The following BCAP31 variants were observed in gnomAD, a reference collection of about 807,000 sequenced individuals.
BCAP31 encodes B cell receptor associated protein 31, also known as B-cell receptor-associated protein 31.
For synonymous variants in BCAP31, 75 were observed against 80.9 expected, an observed-to-expected ratio of 0.93 and a Z score of 0.39; for missense variants, 124 against 193.0, an observed-to-expected ratio of 0.64 and a Z score of 2.12.
In BCAP31 at chrX:153,700,575, G is replaced by A. The variant is rs1246195055; in HGVS notation, c.*362C>T. On this transcript the variant is annotated 3_prime_UTR_variant, in exon 8 of 8. Coordinates refer to ENST00000345046, the MANE Select transcript of BCAP31 (RefSeq NM_001256447.2). ...CCACCCACCCTCCTGCGGGACCAAAGAAAACACCCAGAGGGCAAAACAAAA... is the reference window on the plus strand; with the variant it reads ...CCACCCACCCTCCTGCGGGACCAAAAAAAACACCCAGAGGGCAAAACAAAA... 3 of 185,614 alleles carry A rather than the reference G, an allele frequency of 1.6e-5. No individual in the cohort carries two copies. The highest frequency in any genetic ancestry group is 9.2e-5 in the African/African-American group (3 of 32,692). 15.3% of individuals were successfully genotyped at this position (185,614 alleles called of 1,213,427 possible). A position where few individuals can be genotyped will look rare whatever the true frequency, so the allele number is the denominator to read the frequency against.
intron 4 of BCAP31, among the ~76,000 whole-genome samples, chrX:153,712,527 T>A (rs782293768): frequency 3.6e-5 from 4 of 112,369 alleles, no homozygotes; most frequent in Admixed American, 9.4e-5. Context: ...TTAAAGCATG[T>A]GGTGCTTAAA....
At position 153,723,660 on chromosome X, in the gene BCAP31, C is replaced by T. The variant is rs782605021; in HGVS notation, c.-44-372G>A. The T allele has an allele frequency of 8.6e-6, 10 of 1,158,280 alleles. No homozygotes were observed. The South Asian group carries it at 1.9e-4, about 22-fold the overall frequency. On this transcript the variant is annotated intron_variant, in intron 1 of 7. Coordinates refer to ENST00000345046, the MANE Select transcript of BCAP31 (RefSeq NM_001256447.2). ...GCACCAAGAGGAGGACGCCTCGGCA[C>T]CCATCGGGCGCTCCCTTCCCCGCCA...
At chrX:153,702,859 C>T in intron 6 of BCAP31, 76 bp downstream of exon 6, 1 of 1,171,739 alleles carries the variant, frequency 8.5e-7, no homozygotes, top group Non-Finnish European at 1.1e-6. Flanking sequence ...AATACTTTGG[C>T]ACAAAATGGG....
intron 4 of BCAP31, among the ~76,000 whole-genome samples, chrX:153,706,028 C>T (rs1156367880): frequency 1.8e-5 from 2 of 111,967 alleles, no homozygotes; most frequent in African/African-American, 6.5e-5. Flanking sequence ...TAGGCCAGGG[C>T]ATACACAAAG....
rs1200872714 is a variant in BCAP31 at position 153,702,216 on chromosome X, G to A, written c.602-109C>T. ...AAACTGGCCCAAATCTATCTCAAAC[G>A]AGGTTATACAGGAGGCTACTTCTCA... On this transcript the variant is annotated intron_variant, in intron 6 of 7. Transcript: ENST00000345046. The A allele has an allele frequency of 4.4e-5, 28 of 632,949 alleles. 1 individual carries two copies. In the South Asian group the frequency reaches 6.0e-4, roughly 14 times the overall value. The allele number at this position is 632,949 out of a possible 1,213,427, so 52.2% of individuals were successfully genotyped here.
chrX:153,715,716 G>T, intron 3 of BCAP31, 27 bp from the exon 4 acceptor site: 3 of 1,206,502 alleles, frequency 2.5e-6, no homozygotes, highest in Non-Finnish European at 3.4e-6. Flanking sequence ...AGGAGACACG[G>T]GCATTTAGCG....
chrX:153,716,274 T>C (rs1336070249), intron 3 of BCAP31, among the ~76,000 whole-genome samples: 2 of 110,094 alleles, frequency 1.8e-5, no homozygotes, highest in Non-Finnish European at 3.8e-5. Flanking sequence ...CAGTTCACGA[T>C]GCTAACCAAG....
chrX:153,710,565 G>C (rs1557049015), intron 4 of BCAP31, among the ~76,000 whole-genome samples: 1 of 112,115 alleles, frequency 8.9e-6, no homozygotes, highest in South Asian at 3.7e-4. Flanking sequence ...TAGTGGCAGA[G>C]GCAGGACAAA....
chrX:153,700,964 A>G lies in BCAP31; in HGVS notation c.714T>C (p.Asp238=). The part of the protein sequence containing the change: ...EEHAKLQAAV[D]GPMDKKEE ...ACTCTTCCTTCTTGTCCATGGGACC[A>G]TCTACTGCAGCCTGGAAAGGGACAG... Residue 238 remains aspartate (D), a synonymous_variant, in exon 8 of 8, where the codon GAT becomes GAC. Coordinates refer to ENST00000345046, the MANE Select transcript of BCAP31 (RefSeq NM_001256447.2). 3.3e-6 allele frequency: 4 copies of G among 1,207,492 alleles called. No individual in the cohort carries two copies. The highest frequency in any genetic ancestry group is 4.5e-6 in the Non-Finnish European group (4 of 893,575).
At chrX:153,716,027 G>A (rs1270180828) in intron 3 of BCAP31, among the ~76,000 whole-genome samples, 8 of 109,694 alleles carry the variant, frequency 7.3e-5, no homozygotes, top group South Asian at 3.9e-4. Context: ...TTAGCCCGGC[G>A]TGGTGGTGGG....
rs369943789 is a variant in BCAP31, at chrX:153,715,502, G to A, written c.341+40C>T. ...GCTCGGTGTCCATGGCTAGCCCATGGCTCCTTTCACAGCACCTGCCCCCTC... is the reference window on the plus strand; with the variant it reads ...GCTCGGTGTCCATGGCTAGCCCATGACTCCTTTCACAGCACCTGCCCCCTC... On this transcript the variant is annotated intron_variant, in intron 4 of 7. Coordinates refer to ENST00000345046, the MANE Select transcript of BCAP31 (RefSeq NM_001256447.2). 1.4e-5 allele frequency: 17 copies of A among 1,200,745 alleles called. No individual in the cohort carries two copies. In the African/African-American group the frequency reaches 2.6e-4, roughly 19 times the overall value.
chrX:153,703,507 T>C (rs1357660747), intron 5 of BCAP31, among the ~76,000 whole-genome samples: 1 of 113,140 alleles, frequency 8.8e-6, no homozygotes, highest in Non-Finnish European at 1.9e-5. Flanking sequence ...CGAGCTTGCC[T>C]TGCAGCTCAC....
chrX:153,708,671 C>T (rs1235800625), intron 4 of BCAP31, among the ~76,000 whole-genome samples: 1 of 112,874 alleles, frequency 8.9e-6, no homozygotes, highest in East Asian at 2.8e-4. Context: ...CAGGTGACGC[C>T]TCAGGAAGGC....
At chrX:153,711,918 AAAG>A (rs1379197907) in intron 4 of BCAP31, among the ~76,000 whole-genome samples, 27 of 108,622 alleles carry the variant, frequency 2.5e-4, no homozygotes, top group Admixed American at 2.0e-4. Flanking sequence ...AAAAAAAAAA[AAAG>A]AAAGAAAGAA....
chrX:153,711,839 A>C (rs1232043505), intron 4 of BCAP31, among the ~76,000 whole-genome samples: 3 of 100,847 alleles, frequency 3.0e-5, no homozygotes, highest in Non-Finnish European at 5.9e-5. Context: ...CAGGAGGAGG[A>C]GGCTGCAGTA....
chrX:153,708,539 G>A (rs190050823), intron 4 of BCAP31, among the ~76,000 whole-genome samples: 32 of 112,989 alleles, frequency 2.8e-4, no homozygotes, highest in African/African-American at 9.0e-4. Context: ...GCAGAAAGCC[G>A]GTGTCCCAGC....
chrX:153,704,139 T>G (rs1231459657), intron 4 of BCAP31, 45 bp from the exon 5 acceptor site: 8 of 1,175,280 alleles, frequency 6.8e-6, no homozygotes, highest in Admixed American at 2.2e-5. Context: ...AAAAAGAGCA[T>G]GAAGGGCTGG....
At chrX:153,722,216 G>A in intron 2 of BCAP31, among the ~76,000 whole-genome samples, 1 of 111,849 alleles carries the variant, frequency 8.9e-6, no homozygotes, top group Non-Finnish European at 1.9e-5. Flanking sequence ...TCATCATCAG[G>A]GCTAGAGTTG....
chrX:153,715,393 T>C (rs2091619852), intron 4 of BCAP31, 149 bp downstream of exon 4: 2 of 886,862 alleles, frequency 2.3e-6, no homozygotes, highest in Non-Finnish European at 3.1e-6. Flanking sequence ...ACTATGTGGC[T>C]TCCCTAACAC....
Sources: gnomAD v4.1 joint callset for allele counts (sites outside exome capture counted in the v4.1 genomes callset) on GRCh38, gnomAD v4.1.1 for gene constraint, MANE v1.5 for transcripts, NCBI Gene and HGNC (gene_info 2026-07-23, HGNC 2026-07-21) for gene names.